The following ADAMTS19 variants were observed in gnomAD, a reference collection of about 807,000 sequenced individuals.
The protein encoded by ADAMTS19 is A disintegrin and metalloproteinase with thrombospondin motifs 19.
A neutral mutation model predicts 153.3 loss-of-function variants in ADAMTS19; 93 were observed. The ratio of observed to expected loss-of-function variants is 0.61; its 90% CI spans 0.51 to 0.72. The LOEUF (loss-of-function observed/expected upper bound fraction) is 0.72, where lower values mean the gene tolerates loss of function less well. Among genes scored for constraint, ADAMTS19 ranks in the 30% least tolerant of loss-of-function variants. The pLI is 0.00. For synonymous variants in ADAMTS19, 600 were observed against 556.6 expected, an observed-to-expected ratio of 1.08 and a Z score of -1.10; for missense variants, 1,482 against 1,552.1, an observed-to-expected ratio of 0.95 and a Z score of 0.76.
chr5:129,516,906 CG>C (rs1338675598), intron 3 of ADAMTS19, among the ~76,000 whole-genome samples: 3 of 60,966 alleles, frequency 4.9e-5, no homozygotes, highest in East Asian at 9.4e-4. Flanking sequence ...TTTTTTTTTT[CG>C]ATGTAGGCAC....
At chr5:129,630,610 G>A (rs79956861) in intron 10 of ADAMTS19, among the ~76,000 whole-genome samples, 2,714 of 151,938 alleles carry the variant, frequency 0.018, 74 homozygotes, top group African/African-American at 0.061. Context: ...ATGTATTATT[G>A]ACCTAAATGT....
intron 10 of ADAMTS19, among the ~76,000 whole-genome samples, chr5:129,627,018 G>A (rs762838911): frequency 1.3e-5 from 2 of 151,990 alleles, no homozygotes; most frequent in Admixed American, 1.3e-4. Context: ...TACAGCAAGA[G>A]AAAACAGAAT....
At chr5:129,488,585 A>T (rs1750669744) in intron 2 of ADAMTS19, among the ~76,000 whole-genome samples, 1 of 152,218 alleles carries the variant, frequency 6.6e-6, no homozygotes, top group Non-Finnish European at 1.5e-5. Context: ...TGTATTTTAT[A>T]GTCTCAGTTT....
rs1464247155 is a variant in ADAMTS19 at position 129,704,479 on chromosome 5, G to C, written c.3312+88G>C. The stretch of plus-strand genomic sequence containing the variant: ...CTATAACCACATAGCATGGAGTTTA[G>C]GAGGGAAGGAGAGTAGAATTAAACA... On this transcript the variant is annotated intron_variant, in intron 21 of 22. Coordinates refer to ENST00000274487, the MANE Select transcript of ADAMTS19 (RefSeq NM_133638.6). 19 of 1,438,068 alleles carry C rather than the reference G, an allele frequency of 1.3e-5. No homozygotes were observed. The East Asian group carries it at 4.5e-4, about 34-fold the overall frequency. The allele number at this position is 1,438,068 out of a possible 1,614,324, so 89.1% of individuals were successfully genotyped here.
At chr5:129,544,971 A>G (rs967499910) in intron 6 of ADAMTS19, among the ~76,000 whole-genome samples, 9 of 152,026 alleles carry the variant, frequency 5.9e-5, no homozygotes, top group South Asian at 2.1e-4. Context: ...CTCTGAAGGG[A>G]CTCTCTTTCA....
chr5:129,624,434 G>A (rs1751932870), intron 10 of ADAMTS19, among the ~76,000 whole-genome samples: 1 of 152,068 alleles, frequency 6.6e-6, no homozygotes, highest in African/African-American at 2.4e-5. Flanking sequence ...GAGGTACAAA[G>A]GTTTGGGTTT....
intron 21 of ADAMTS19, among the ~76,000 whole-genome samples, chr5:129,706,533 C>G (rs1231389474): frequency 6.7e-6 from 1 of 149,436 alleles, no homozygotes; most frequent in Non-Finnish European, 1.5e-5. Context: ...AACGCCATTG[C>G]GCTCCAGCCT....
chr5:129,726,126 A>G (rs1325721730), intron 21 of ADAMTS19, among the ~76,000 whole-genome samples: 1 of 152,148 alleles, frequency 6.6e-6, no homozygotes, highest in East Asian at 1.9e-4. Context: ...TGCTCTAAAG[A>G]TGATTGCTTT....
At chr5:129,585,617 C>T (rs980819107) in intron 7 of ADAMTS19, among the ~76,000 whole-genome samples, 6 of 151,960 alleles carry the variant, frequency 3.9e-5, no homozygotes, top group East Asian at 1.9e-4. Flanking sequence ...GCCAGTCTTC[C>T]TGGTGTTCTT....
chr5:129,635,875 C>T (rs1003386363), intron 10 of ADAMTS19, among the ~76,000 whole-genome samples: 2 of 152,126 alleles, frequency 1.3e-5, no homozygotes, highest in African/African-American at 4.8e-5. Context: ...ACATGTACCC[C>T]TGAACTTAAA....
intron 12 of ADAMTS19, among the ~76,000 whole-genome samples, chr5:129,648,215 A>G (rs1261432397): frequency 6.6e-6 from 1 of 152,240 alleles, no homozygotes; most frequent in African/African-American, 2.4e-5. Flanking sequence ...GAGCAGAAGG[A>G]TGATAAGAAA....
chr5:129,695,127 C>T (rs1276752803), intron 19 of ADAMTS19, among the ~76,000 whole-genome samples: 4 of 152,088 alleles, frequency 2.6e-5, no homozygotes, highest in Admixed American at 6.5e-5. Context: ...CTCTAGGTCA[C>T]CTCTTCAAAA....
intron 16 of ADAMTS19, among the ~76,000 whole-genome samples, chr5:129,679,476 G>T (rs1426061118): frequency 6.6e-6 from 1 of 152,186 alleles, no homozygotes; most frequent in Non-Finnish European, 1.5e-5. Flanking sequence ...AAGAATAAAT[G>T]ATTAAGGACC....
At chr5:129,508,523 T>G (rs1751334917) in intron 2 of ADAMTS19, among the ~76,000 whole-genome samples, 1 of 152,024 alleles carries the variant, frequency 6.6e-6, no homozygotes, top group Non-Finnish European at 1.5e-5. Context: ...AAATGAAACT[T>G]GTTTATGTAA....
intron 6 of ADAMTS19, among the ~76,000 whole-genome samples, chr5:129,546,566 G>C (rs66944997): frequency 0.063 from 9,438 of 150,628 alleles, 896 homozygotes; most frequent in African/African-American, 0.15. Context: ...ATGAATGCTG[G>C]AATAAAATGA....
chr5:129,676,874 C>T (rs1754574070), intron 16 of ADAMTS19, among the ~76,000 whole-genome samples: 1 of 151,998 alleles, frequency 6.6e-6, no homozygotes, highest in Non-Finnish European at 1.5e-5. Flanking sequence ...TCAAAAATAC[C>T]AATTGAATCT....
chr5:129,512,926 T>C (rs139896592), intron 3 of ADAMTS19, among the ~76,000 whole-genome samples: 1,541 of 152,114 alleles, frequency 0.01, 22 homozygotes, highest in African/African-American at 0.034. Context: ...TACTTCCTGT[T>C]CCACCTACTT....
chr5:129,542,595 G>A (rs1229747435), intron 6 of ADAMTS19, among the ~76,000 whole-genome samples: 1 of 152,092 alleles, frequency 6.6e-6, no homozygotes, highest in Non-Finnish European at 1.5e-5. Flanking sequence ...AAAAGTAGTT[G>A]CATGCTGCTT....
intron 21 of ADAMTS19, among the ~76,000 whole-genome samples, chr5:129,705,131 G>C (rs1367334828): frequency 6.0e-5 from 7 of 116,456 alleles, no homozygotes; most frequent in Non-Finnish European, 8.0e-5. Flanking sequence ...CCCACTTTCA[G>C]CTGTGATATT....
Sources: gnomAD v4.1 joint callset for allele counts (sites outside exome capture counted in the v4.1 genomes callset) on GRCh38, gnomAD v4.1.1 for gene constraint, MANE v1.5 for transcripts, NCBI Gene and HGNC (gene_info 2026-07-23, HGNC 2026-07-21) for gene names.